HHAT: variants seen among roughly 807,000 people sequenced by gnomAD.
HHAT encodes the protein hedgehog acyltransferase.
In HHAT, 47 loss-of-function variants were observed where a neutral mutation model predicts 70.8. The ratio of observed to expected loss-of-function variants is 0.66; its 90% CI spans 0.53 to 0.85. The LOEUF is 0.85. Ranked by LOEUF, HHAT falls within the 40% of genes least tolerant of loss-of-function variation. The probability of loss-of-function intolerance (pLI) is 0.00; values close to 1 mark genes in which losing one functional copy is unlikely to be tolerated. For missense variants in HHAT, 609 were observed against 604.8 expected, an observed-to-expected ratio of 1.01 and a Z score of -0.07; for synonymous variants, 228 against 247.6, an observed-to-expected ratio of 0.92 and a Z score of 0.74.
chr1:210,389,964 T>C (rs573253609), intron 4 of HHAT, among the ~76,000 whole-genome samples: 1 of 152,134 alleles, frequency 6.6e-6, no homozygotes, highest in Non-Finnish European at 1.5e-5. Context: ...ATCAATAAGA[T>C]AGTATTAGTT....
At chr1:210,428,980 C>T (rs574966253) in intron 7 of HHAT, among the ~76,000 whole-genome samples, 9 of 151,856 alleles carry the variant, frequency 5.9e-5, no homozygotes, top group East Asian at 5.8e-4. Context: ...CTCTGTCCCT[C>T]GCTTCCCCTC....
intron 1 of HHAT, among the ~76,000 whole-genome samples, chr1:210,329,934 C>G (rs1276746586): frequency 6.6e-6 from 1 of 152,064 alleles, no homozygotes; most frequent in African/African-American, 2.4e-5. Context: ...TTAGTAGAGA[C>G]GAGGGTCTCA....
At chr1:210,492,483 T>C (rs562337876) in intron 8 of HHAT, among the ~76,000 whole-genome samples, 47 of 152,278 alleles carry the variant, frequency 3.1e-4, no homozygotes, top group African/African-American at 1.1e-3. Context: ...GAAGGCACTT[T>C]GAGAGATACT....
At chr1:210,568,240 GGGT>G (rs1655250324) in intron 9 of HHAT, among the ~76,000 whole-genome samples, 1 of 152,144 alleles carries the variant, frequency 6.6e-6, no homozygotes, top group Non-Finnish European at 1.5e-5. Flanking sequence ...GGCTCTTGGA[GGGT>G]GGTACACCCG....
At chr1:210,638,385 G>T (rs1229454468) in intron 11 of HHAT, among the ~76,000 whole-genome samples, 2 of 152,160 alleles carry the variant, frequency 1.3e-5, no homozygotes, top group African/African-American at 4.8e-5. Flanking sequence ...CAACATGGAT[G>T]AACCTTGGAA....
chr1:210,424,464 G>A (rs2093000144), intron 7 of HHAT, among the ~76,000 whole-genome samples: 1 of 148,154 alleles, frequency 6.7e-6, no homozygotes, highest in Non-Finnish European at 1.5e-5. Context: ...GTGTTCAGGG[G>A]TACGTGTGCA....
chr1:210,668,771 A>ATTTATT (rs1558397784), intron 11 of HHAT, among the ~76,000 whole-genome samples: 1 of 151,760 alleles, frequency 6.6e-6, no homozygotes, highest in East Asian at 1.9e-4. Flanking sequence ...CCTTTTATTT[A>ATTTATT]TTTATTTTTT....
chr1:210,384,721 T>C (rs2090910154), intron 3 of HHAT, among the ~76,000 whole-genome samples: 1 of 152,164 alleles, frequency 6.6e-6, no homozygotes, highest in Non-Finnish European at 1.5e-5. Context: ...CTAATAACCA[T>C]GGAGGCAAGA....
At chr1:210,511,437 C>A (rs2094949763) in intron 8 of HHAT, among the ~76,000 whole-genome samples, 1 of 152,154 alleles carries the variant, frequency 6.6e-6, no homozygotes, top group Non-Finnish European at 1.5e-5. Context: ...ATAATCTTGT[C>A]ATTTAAAGGT....
intron 1 of HHAT, among the ~76,000 whole-genome samples, chr1:210,333,555 T>C (rs1172662191): frequency 6.6e-6 from 1 of 152,248 alleles, no homozygotes; most frequent in Non-Finnish European, 1.5e-5. Flanking sequence ...AAAGTAGTGA[T>C]GCCCATGTAA....
At chr1:210,587,579 G>T (rs1265739719) in intron 9 of HHAT, among the ~76,000 whole-genome samples, 1 of 152,172 alleles carries the variant, frequency 6.6e-6, no homozygotes, top group Non-Finnish European at 1.5e-5. Context: ...TCTGTGATTG[G>T]ATTTCCAGGG....
At chr1:210,355,939 CAG>C (rs2087564329) in intron 2 of HHAT, among the ~76,000 whole-genome samples, 1 of 152,068 alleles carries the variant, frequency 6.6e-6, no homozygotes, top group African/African-American at 2.4e-5. Context: ...ATTTTTGAGA[CAG>C]TGTCTCATCC....
chr1:210,404,444 C>T lies in HHAT; in HGVS notation c.469-20C>T, dbSNP rs776224718. The stretch of plus-strand genomic sequence containing the variant: ...CCCTGCTGGCCACTCAAAGGTTGTT[C>T]TCTCCTTTTGATTTTGTAGAGAAGG... On this transcript the variant is annotated intron_variant, in intron 5 of 11. Coordinates refer to ENST00000261458, the MANE Select transcript of HHAT (RefSeq NM_018194.6). 1.5e-5 allele frequency: 24 copies of T among 1,590,136 alleles called. No individual in the cohort carries two copies. The East Asian group carries it at 1.8e-4, about 12-fold the overall frequency.
intron 10 of HHAT, among the ~76,000 whole-genome samples, chr1:210,595,743 T>G (rs2148809031): frequency 6.6e-6 from 1 of 152,370 alleles, no homozygotes; most frequent in East Asian, 1.9e-4. Flanking sequence ...TTCATGTGTC[T>G]TTTGGCTGCA....
chr1:210,580,552 A>G (rs1226218563), intron 9 of HHAT, among the ~76,000 whole-genome samples: 3 of 130,370 alleles, frequency 2.3e-5, no homozygotes, highest in Non-Finnish European at 4.6e-5. Context: ...CACGTGTCTC[A>G]TTGTTCAATT....
chr1:210,473,825 G>T (rs2094252972), intron 8 of HHAT, among the ~76,000 whole-genome samples: 1 of 152,166 alleles, frequency 6.6e-6, no homozygotes, highest in African/African-American at 2.4e-5. Flanking sequence ...TCCTACATCT[G>T]CTGGTCTTCA....
intron 1 of HHAT, among the ~76,000 whole-genome samples, chr1:210,333,341 T>C (rs1232946980): frequency 6.6e-6 from 1 of 152,144 alleles, no homozygotes; most frequent in Non-Finnish European, 1.5e-5. Context: ...GAAGGATCAC[T>C]TGAGCCCAGG....
intron 7 of HHAT, among the ~76,000 whole-genome samples, chr1:210,440,829 T>C (rs1259663458): frequency 6.6e-6 from 1 of 152,240 alleles, no homozygotes; most frequent in Admixed American, 6.5e-5. Flanking sequence ...TAGTTTTTCC[T>C]GAGTGTCTGA....
At chr1:210,586,333 G>T (rs1242725823) in intron 9 of HHAT, among the ~76,000 whole-genome samples, 2 of 152,034 alleles carry the variant, frequency 1.3e-5, no homozygotes, top group Admixed American at 1.3e-4. Context: ...CCAGTTACTT[G>T]GGGGGCTAAA....
Sources: allele counts gnomAD v4.1 joint callset (sites outside exome capture counted in the v4.1 genomes callset), GRCh38; gene constraint gnomAD v4.1.1; transcripts MANE v1.5; gene names NCBI Gene and HGNC (gene_info 2026-07-23, HGNC 2026-07-21).